LRP1B: variants seen among roughly 807,000 people sequenced by gnomAD.
LRP1B encodes low-density lipoprotein receptor-related protein 1B.
In LRP1B, 217 loss-of-function variants were observed where a neutral mutation model predicts 556.6. The observed-to-expected ratio is 0.39, with a 90% CI of 0.35 to 0.44. The LOEUF is 0.44. Among genes scored for constraint, LRP1B ranks in the 20% least tolerant of loss-of-function variants. The pLI, the probability that LRP1B is intolerant of heterozygous loss-of-function variation, is 1.00. For synonymous variants in LRP1B, 2,047 were observed against 1,865.8 expected, an observed-to-expected ratio of 1.10 and a Z score of -2.50; for missense variants, 5,053 against 5,620.8, an observed-to-expected ratio of 0.90 and a Z score of 3.23.
chr2:142,042,839 A>C (rs1184248322), intron 1 of LRP1B, among the ~76,000 whole-genome samples: 1 of 151,518 alleles, frequency 6.6e-6, no homozygotes, highest in Non-Finnish European at 1.5e-5. Flanking sequence ...AGGAGTTGTT[A>C]TGTCTTTTAT....
chr2:141,342,843 C>T (rs1382197462), intron 3 of LRP1B, among the ~76,000 whole-genome samples: 2 of 152,076 alleles, frequency 1.3e-5, no homozygotes. Context: ...GCAAGACAGG[C>T]CAACATTCAA....
At chr2:141,888,965 T>A (rs1450566854) in intron 1 of LRP1B, among the ~76,000 whole-genome samples, 2 of 152,276 alleles carry the variant, frequency 1.3e-5, no homozygotes, top group African/African-American at 2.4e-5. Flanking sequence ...GAAGGAAATT[T>A]AAAAATTTAT....
chr2:141,923,436 T>TTATATA (rs758700606), intron 1 of LRP1B, among the ~76,000 whole-genome samples: 1 of 75,456 alleles, frequency 1.3e-5, no homozygotes, highest in African/African-American at 4.7e-5. Context: ...GACAAAGAGA[T>TTATATA]TATATATATA....
chr2:140,798,063 C>G (rs1029164671), intron 32 of LRP1B, among the ~76,000 whole-genome samples: 1 of 152,088 alleles, frequency 6.6e-6, no homozygotes, highest in Non-Finnish European at 1.5e-5. Context: ...CTGCTTGAAT[C>G]TTCTCCATTA....
chr2:140,950,192 C>G lies in LRP1B; in HGVS notation c.3136+43G>C, dbSNP rs770488947. The G allele has an allele frequency of 2.1e-6, 3 of 1,409,162 alleles. No homozygotes were observed. In the East Asian group the frequency reaches 7.6e-5, roughly 36 times the overall value. 87.3% of individuals were successfully genotyped at this position (1,409,162 alleles called of 1,614,324 possible). Reference sequence around the variant, plus strand: ...TAATACCCTAAGTATTATTATGCATCAACTTTTAAAATGAGATTTCATTAA... The same window carrying G: ...TAATACCCTAAGTATTATTATGCATGAACTTTTAAAATGAGATTTCATTAA... On this transcript the variant is annotated intron_variant, in intron 20 of 90. Coordinates refer to ENST00000389484, the MANE Select transcript of LRP1B (RefSeq NM_018557.3).
At position 140,689,455 on chromosome 2, in the gene LRP1B, G is replaced by C. The variant is rs145079333; in HGVS notation, c.6799+10795C>G. 7.1e-3 allele frequency among the ~76,000 whole-genome samples: 1,082 copies of C among 152,208 alleles called. 12 individuals are homozygous for C. The highest frequency in any genetic ancestry group is 0.024 in the African/African-American group (1,016 of 41,536). Reference sequence around the variant, plus strand: ...GTCTCTTTGAATCTGCTGTGATTCTGGGGGCTGCCCAATTTGTGAATCGTT... The same window carrying C: ...GTCTCTTTGAATCTGCTGTGATTCTCGGGGCTGCCCAATTTGTGAATCGTT... On this transcript the variant is annotated intron_variant, in intron 41 of 90. Transcript: ENST00000389484.
At chr2:141,866,857 A>G (rs1000336928) in intron 1 of LRP1B, among the ~76,000 whole-genome samples, 1 of 151,778 alleles carries the variant, frequency 6.6e-6, no homozygotes, top group African/African-American at 2.4e-5. Context: ...ATAGAAGGAG[A>G]GAAAAAAGGA....
At chr2:141,812,359 T>C (rs1205042925) in intron 1 of LRP1B, among the ~76,000 whole-genome samples, 1 of 152,152 alleles carries the variant, frequency 6.6e-6, no homozygotes, top group Non-Finnish European at 1.5e-5. Context: ...ACAACAGGTA[T>C]AAACCAAGTT....
intron 2 of LRP1B, among the ~76,000 whole-genome samples, chr2:141,521,000 C>T (rs991966124): frequency 6.6e-6 from 1 of 151,938 alleles, no homozygotes; most frequent in South Asian, 2.1e-4. Flanking sequence ...AAAACTTAAG[C>T]GAACAATTCA....
At chr2:141,120,439 C>T (rs1007944527) in intron 7 of LRP1B, among the ~76,000 whole-genome samples, 21 of 151,816 alleles carry the variant, frequency 1.4e-4, no homozygotes, top group Middle Eastern at 6.8e-3. Flanking sequence ...TTGAAGAATA[C>T]AAAATTGACA....
rs1183867045 is a variant in LRP1B at position 141,061,835 on chromosome 2, T to C, written c.1236+216A>G. Reference sequence around the variant, plus strand: ...TTTGTTTACTTGTTTTCTCTGTTTTTAATAGAAGGGAGAAAGAGCAAGAGA... The same window carrying C: ...TTTGTTTACTTGTTTTCTCTGTTTTCAATAGAAGGGAGAAAGAGCAAGAGA... On this transcript the variant is annotated intron_variant, in intron 8 of 90. Coordinates refer to ENST00000389484, the MANE Select transcript of LRP1B (RefSeq NM_018557.3). Among the ~76,000 whole-genome samples, 5 of 151,816 alleles carry C rather than the reference T, an allele frequency of 3.3e-5. No individual in the cohort carries two copies. In the South Asian group the frequency reaches 8.3e-4, roughly 25 times the overall value.
intron 60 of LRP1B, among the ~76,000 whole-genome samples, chr2:140,464,319 T>C (rs990851710): frequency 6.6e-6 from 1 of 152,126 alleles, no homozygotes; most frequent in African/African-American, 2.4e-5. Flanking sequence ...TTTCTAGTAT[T>C]TCTTGCCTCC....
intron 3 of LRP1B, among the ~76,000 whole-genome samples, chr2:141,446,748 G>T (rs1027198028): frequency 2.0e-5 from 3 of 152,156 alleles, no homozygotes; most frequent in African/African-American, 7.2e-5. Flanking sequence ...CCCACTCTCT[G>T]CTGGTTTGCA....
At chr2:142,063,978 T>C (rs964601461) in intron 1 of LRP1B, among the ~76,000 whole-genome samples, 3 of 151,628 alleles carry the variant, frequency 2.0e-5, no homozygotes, top group Non-Finnish European at 4.4e-5. Flanking sequence ...ATGATGCTTT[T>C]TGAGGCACTC....
intron 62 of LRP1B, 100 bp from the exon 63 acceptor site, chr2:140,450,761 G>C (rs1686852688): frequency 1.4e-6 from 1 of 729,572 alleles, no homozygotes; most frequent in African/African-American, 1.8e-5. Flanking sequence ...CTTTTTTGCT[G>C]CAGATGTGAA....
At chr2:140,265,298 T>A (rs770037027) in intron 86 of LRP1B, among the ~76,000 whole-genome samples, 93 of 152,196 alleles carry the variant, frequency 6.1e-4, no homozygotes, top group African/African-American at 2.2e-3. Flanking sequence ...AAAAAAACAT[T>A]GTTTTAATAT....
chr2:140,329,902 A>T (rs1012495386), intron 79 of LRP1B, among the ~76,000 whole-genome samples: 1 of 151,900 alleles, frequency 6.6e-6, no homozygotes, highest in African/African-American at 2.4e-5. Context: ...ACAAAAACAA[A>T]AAAACTACTT....
intron 84 of LRP1B, among the ~76,000 whole-genome samples, chr2:140,275,852 A>G (rs1682649873): frequency 6.6e-6 from 1 of 151,968 alleles, no homozygotes; most frequent in African/African-American, 2.4e-5. Flanking sequence ...AAATATTTCT[A>G]TACCCCTTGA....
rs1360863089 is a variant in LRP1B, at chr2:141,957,388, G to T, written c.83-146987C>A. ...ATGGTTCGTGTTTGTGTGTGTGGGG[G>T]GGGGGGGGCGGGGGGGTGTACACTC... On this transcript the variant is annotated intron_variant, in intron 1 of 90. Coordinates refer to ENST00000389484, the MANE Select transcript of LRP1B (RefSeq NM_018557.3). Among the ~76,000 whole-genome samples, 689 of 127,566 alleles carry T rather than the reference G, an allele frequency of 5.4e-3. 5 individuals are homozygous for T. Among genetic ancestry groups the T allele is most frequent in the African/African-American group, 0.017 (590 of 34,720 alleles). 83.7% of individuals were successfully genotyped at this position (127,566 alleles called of 152,430 possible). A position where few individuals can be genotyped will look rare whatever the true frequency, so the allele number is the denominator to read the frequency against.
Sources: gnomAD v4.1 joint callset for allele counts (sites outside exome capture counted in the v4.1 genomes callset) on GRCh38, gnomAD v4.1.1 for gene constraint, MANE v1.5 for transcripts, NCBI Gene and HGNC (gene_info 2026-07-23, HGNC 2026-07-21) for gene names.